The following OPCML variants were observed in gnomAD, a reference collection of about 807,000 sequenced individuals.
The protein encoded by OPCML is opioid binding protein/cell adhesion molecule like.
In OPCML, 13 loss-of-function variants were observed where a neutral mutation model predicts 37.8. That is an observed-to-expected ratio of 0.34 (90% CI 0.22 to 0.55). The LOEUF is 0.55. Among genes scored for constraint, OPCML ranks in the 20% least tolerant of loss-of-function variants. OPCML has a pLI of 0.91. For missense variants in OPCML, 341 were observed against 435.6 expected, an observed-to-expected ratio of 0.78 and a Z score of 1.93; for synonymous variants, 176 against 168.8, an observed-to-expected ratio of 1.04 and a Z score of -0.33.
intron 2 of OPCML, among the ~76,000 whole-genome samples, chr11:132,822,249 C>T (rs1305054015): frequency 6.6e-6 from 1 of 152,038 alleles, no homozygotes; most frequent in Non-Finnish European, 1.5e-5. Flanking sequence ...ATAGGCCCTC[C>T]TCACTCTCCC....
At position 132,696,548 on chromosome 11, in the gene OPCML, G is replaced by A. The variant is rs559842649; in HGVS notation, c.147-39229C>T. ...ATACTATGTAGAAGTAATTGTCAGG[G>A]AAAAATAACAAGCCCATGGAATTAA... On this transcript the variant is annotated intron_variant, in intron 2 of 7. Coordinates refer to ENST00000524381, the MANE Select transcript of OPCML (RefSeq NM_001012393.5). Among the ~76,000 whole-genome samples the A allele has an allele frequency of 2.6e-5, 4 of 152,078 alleles. No homozygotes were observed. In the South Asian group the frequency reaches 6.2e-4, roughly 24 times the overall value.
At position 133,174,610 on chromosome 11, in the gene OPCML, G is replaced by GA. The variant is rs556833335; in HGVS notation, c.62-231601dup. On this transcript the variant is annotated intron_variant, in intron 1 of 7. Transcript: ENST00000524381. This position sits in a 1 kb window ranked among gnomAD's most constrained non-coding sequence, Gnocchi z 4.6. ...GTAAGTATATGCATTTATTTGTGTT[G>GA]AAAAAATGCTCATGGAATGCTGTTT... Among the ~76,000 whole-genome samples the GA allele has an allele frequency of 5.3e-5, 7 of 131,880 alleles. No homozygotes were observed. The highest frequency in any genetic ancestry group is 4.0e-4 in the Admixed American group (5 of 12,448). The allele number at this position is 131,880 out of a possible 152,430, so 86.5% of individuals were successfully genotyped here. A position where few individuals can be genotyped will look rare whatever the true frequency, so the allele number is the denominator to read the frequency against.
At chr11:133,124,464 T>C (rs980619472) in intron 1 of OPCML, among the ~76,000 whole-genome samples, 6 of 152,124 alleles carry the variant, frequency 3.9e-5, no homozygotes, top group African/African-American at 1.4e-4. Flanking sequence ...GATAAGTCAA[T>C]GCAACCTCAA....
chr11:133,453,296 A>G (rs1263701887), intron 1 of OPCML, among the ~76,000 whole-genome samples: 1 of 152,236 alleles, frequency 6.6e-6, no homozygotes, highest in African/African-American at 2.4e-5. Flanking sequence ...TTCTAAATAA[A>G]TACGTGCATT....
intron 1 of OPCML, among the ~76,000 whole-genome samples, chr11:133,336,763 A>G (rs537582241): frequency 6.6e-6 from 1 of 152,276 alleles, no homozygotes; most frequent in African/African-American, 2.4e-5. Context: ...CTCTTTCCTT[A>G]CTTCCTTACA....
At chr11:132,468,099 C>A (rs995321512) in intron 4 of OPCML, among the ~76,000 whole-genome samples, 3 of 152,154 alleles carry the variant, frequency 2.0e-5, no homozygotes, top group African/African-American at 7.2e-5. Flanking sequence ...GGCTTCCAAC[C>A]CAGCCTCCCT....
At chr11:133,121,212 C>T (rs919832900) in intron 1 of OPCML, among the ~76,000 whole-genome samples, 1 of 152,198 alleles carries the variant, frequency 6.6e-6, no homozygotes, top group Non-Finnish European at 1.5e-5. Context: ...AGCCACTGTT[C>T]TTGGCCTCCA....
chr11:132,618,178 A>C (rs889181866), intron 3 of OPCML, among the ~76,000 whole-genome samples: 1 of 152,248 alleles, frequency 6.6e-6, no homozygotes, highest in Non-Finnish European at 1.5e-5. Flanking sequence ...TCTAGCAGAC[A>C]GAATGAACAC....
intron 1 of OPCML, among the ~76,000 whole-genome samples, chr11:133,048,441 G>A (rs1038450469): frequency 1.3e-5 from 2 of 152,072 alleles, no homozygotes; most frequent in African/African-American, 4.8e-5. Context: ...GTATGAGAAT[G>A]CAGCCAACTC....
At chr11:133,439,113 C>T (rs1437095858) in intron 1 of OPCML, 2 of 178,316 alleles carry the variant, frequency 1.1e-5, no homozygotes, top group Non-Finnish European at 2.2e-5. Flanking sequence ...CGCAGGAACC[C>T]TGATTTGTGG....
chr11:133,378,135 T>C (rs977382195), intron 1 of OPCML, among the ~76,000 whole-genome samples: 4 of 152,236 alleles, frequency 2.6e-5, no homozygotes, highest in Non-Finnish European at 5.9e-5. Flanking sequence ...CAAAGCCTTT[T>C]CTTTTCCAAA....
intron 1 of OPCML, among the ~76,000 whole-genome samples, chr11:133,083,225 G>C (rs990099934): frequency 1.3e-5 from 2 of 152,220 alleles, no homozygotes; most frequent in African/African-American, 4.8e-5. Flanking sequence ...TTTCCCGCGG[G>C]TGCACTGAGC....
At chr11:132,833,426 T>C (rs1361922080) in intron 2 of OPCML, among the ~76,000 whole-genome samples, 2 of 152,180 alleles carry the variant, frequency 1.3e-5, no homozygotes, top group Non-Finnish European at 2.9e-5. Context: ...GGAGCTGTCA[T>C]CTCCGGTGCT....
chr11:132,554,710 G>C (rs184053952), intron 3 of OPCML, among the ~76,000 whole-genome samples: 3 of 152,094 alleles, frequency 2.0e-5, no homozygotes, highest in Admixed American at 6.5e-5. Context: ...CCAATGTTCT[G>C]AGCCTTAGCT....
intron 1 of OPCML, among the ~76,000 whole-genome samples, chr11:133,172,375 G>T (rs1040198499): frequency 6.6e-6 from 1 of 152,210 alleles, no homozygotes; most frequent in Non-Finnish European, 1.5e-5. Context: ...AGCATGAAGG[G>T]TTAAGAAAGC....
chr11:132,468,759 T>A (rs182569885), intron 4 of OPCML, among the ~76,000 whole-genome samples: 39 of 152,330 alleles, frequency 2.6e-4, no homozygotes, highest in Admixed American at 2.5e-3. Context: ...CAGCTCTACC[T>A]CTTTCTGGAA....
intron 2 of OPCML, among the ~76,000 whole-genome samples, chr11:132,901,657 G>A (rs944375704): frequency 1.3e-5 from 2 of 152,130 alleles, no homozygotes; most frequent in African/African-American, 4.8e-5. Context: ...CCCAGGCACC[G>A]TGCTTCTCCG....
chr11:132,950,622 C>T (rs1406855175), intron 1 of OPCML, among the ~76,000 whole-genome samples: 1 of 152,148 alleles, frequency 6.6e-6, no homozygotes, highest in Non-Finnish European at 1.5e-5. Flanking sequence ...TGAAAGCTTG[C>T]TTTCCTAATT....
intron 1 of OPCML, among the ~76,000 whole-genome samples, chr11:132,966,604 T>C (rs1946220008): frequency 6.6e-6 from 1 of 152,128 alleles, no homozygotes; most frequent in Admixed American, 6.5e-5. Flanking sequence ...TCTATTTCCC[T>C]GTATCATCTG....
Sources: allele counts gnomAD v4.1 joint callset (sites outside exome capture counted in the v4.1 genomes callset), GRCh38; gene constraint gnomAD v4.1.1; non-coding constraint Gnocchi (gnomAD v3.1); transcripts MANE v1.5; gene names NCBI Gene and HGNC (gene_info 2026-07-23, HGNC 2026-07-21).